MCM6: variants seen among roughly 807,000 people sequenced by gnomAD.
MCM6 encodes DNA replication licensing factor MCM6.
Under a neutral mutation model 94.3 loss-of-function variants are expected in MCM6, and 46 were observed. The ratio of observed to expected loss-of-function variants is 0.49; its 90% CI spans 0.39 to 0.62. MCM6 has a LOEUF of 0.62. Among genes scored for constraint, MCM6 ranks in the 20% least tolerant of loss-of-function variants. The pLI is 0.00. For missense variants in MCM6, 865 were observed against 1,017.9 expected (o/e 0.85, Z 2.04); for synonymous variants, 335 against 351.9 (o/e 0.95, Z 0.54).
At chr2:135,866,016 C>T in intron 6 of MCM6, 116 bp downstream of exon 6, 1 of 1,150,482 alleles carries the variant, frequency 8.7e-7, no homozygotes, top group Non-Finnish European at 1.2e-6. Flanking sequence ...ATGGTAGGAT[C>T]ACTTGAGCCC....
chr2:135,862,091 A>T (rs993393784), intron 8 of MCM6, among the ~76,000 whole-genome samples: 2 of 152,148 alleles, frequency 1.3e-5, no homozygotes, highest in Non-Finnish European at 2.9e-5. Flanking sequence ...CAGGGCTAAG[A>T]AAATGATTTT....
At chr2:135,874,884 G>A (rs2105595081) in intron 1 of MCM6, among the ~76,000 whole-genome samples, 1 of 152,266 alleles carries the variant, frequency 6.6e-6, no homozygotes, top group East Asian at 1.9e-4. Context: ...CCTCGCAGAG[G>A]AACCTTGTAG....
chr2:135,851,914 T>G (rs534438937), intron 12 of MCM6: 1 of 160,494 alleles, frequency 6.2e-6, no homozygotes. Flanking sequence ...GCTCAGTATT[T>G]GAGGCTCAAT....
intron 8 of MCM6, 92 bp from the exon 9 acceptor site, chr2:135,859,534 G>A (rs1268148609): frequency 3.8e-6 from 3 of 794,830 alleles, no homozygotes; most frequent in Non-Finnish European, 5.8e-6. Flanking sequence ...ATTACTGAAA[G>A]AACATTTGAG....
chr2:135,849,904 G>A (rs1679742448), intron 13 of MCM6, among the ~76,000 whole-genome samples: 1 of 151,970 alleles, frequency 6.6e-6, no homozygotes, highest in Non-Finnish European at 1.5e-5. Flanking sequence ...GACAGAAATA[G>A]CTCTTAAATA....
At chr2:135,873,932 C>T (rs1193942982) in intron 1 of MCM6, among the ~76,000 whole-genome samples, 1 of 152,208 alleles carries the variant, frequency 6.6e-6, no homozygotes, top group African/African-American at 2.4e-5. Flanking sequence ...GGTGAAGTGA[C>T]TGACTAGATG....
At position 135,857,217 on chromosome 2, in the gene MCM6, T is replaced by C. The variant is rs576410645; in HGVS notation, c.1471-334A>G. Among the ~76,000 whole-genome samples, 6 of 152,292 alleles carry C rather than the reference T, an allele frequency of 3.9e-5. No homozygotes were observed. In the East Asian group the frequency reaches 1.2e-3, roughly 29 times the overall value. Reference sequence around the variant, plus strand: ...AAGAATCAAGCTGTGGTATACACAATTGAATATGGGAAATTAATAAAAAAC... The same window carrying C: ...AAGAATCAAGCTGTGGTATACACAACTGAATATGGGAAATTAATAAAAAAC... On this transcript the variant is annotated intron_variant, in intron 10 of 16. Coordinates refer to ENST00000264156, the MANE Select transcript of MCM6 (RefSeq NM_005915.6).
In MCM6 at chr2:135,843,987, G is replaced by A. The variant is rs4988272; in HGVS notation, c.2349+558C>T. Among the ~76,000 whole-genome samples the A allele has an allele frequency of 8.5e-3, 1,292 of 152,162 alleles. 91 individuals are homozygous for A. The East Asian group carries it at 0.18, about 21-fold the overall frequency. On this transcript the variant is annotated intron_variant, in intron 16 of 16. Coordinates refer to ENST00000264156, the MANE Select transcript of MCM6 (RefSeq NM_005915.6). The stretch of plus-strand genomic sequence containing the variant: ...TGACCCGGGAAAAGGAATTGCACTG[G>A]GCAGTGCTGTCATGAGGTTGATGAG...
At chr2:135,846,100 T>G in intron 15 of MCM6, 137 bp downstream of exon 15, 1 of 794,176 alleles carries the variant, frequency 1.3e-6, no homozygotes, top group African/African-American at 1.7e-5. Context: ...ACAAATTTAC[T>G]TTGCTAAAGT....
chr2:135,853,787 A>G (rs1679819131), intron 11 of MCM6, among the ~76,000 whole-genome samples: 1 of 152,218 alleles, frequency 6.6e-6, no homozygotes, highest in Admixed American at 6.5e-5. Flanking sequence ...GTTCAGGAAA[A>G]AAGTGTGCAG....
chr2:135,858,119 G>A (rs772545820), intron 9 of MCM6, 115 bp from the exon 10 acceptor site: 14 of 867,066 alleles, frequency 1.6e-5, no homozygotes, highest in Admixed American at 5.4e-5. Context: ...CACTAAGGCC[G>A]GGCATTTGAG....
chr2:135,870,574 T>C (rs1020706316), intron 2 of MCM6, among the ~76,000 whole-genome samples: 3 of 152,224 alleles, frequency 2.0e-5, no homozygotes, highest in African/African-American at 7.2e-5. Context: ...TAAAATGTCA[T>C]ACCATACCTG....
chr2:135,847,953 A>G, intron 14 of MCM6, 100 bp downstream of exon 14: 1 of 823,906 alleles, frequency 1.2e-6, no homozygotes, highest in Non-Finnish European at 2.0e-6. Context: ...TTTTGCTACC[A>G]TAGACTATTA....
intron 6 of MCM6, 122 bp downstream of exon 6, chr2:135,866,010 T>G: frequency 9.0e-7 from 1 of 1,110,770 alleles, no homozygotes; most frequent in Non-Finnish European, 1.3e-6. Context: ...GTTGAGATGG[T>G]AGGATCACTT....
chr2:135,848,220 C>CT lies in MCM6; in HGVS notation c.1918-33dup, dbSNP rs770680308. The CT allele has an allele frequency of 1.6e-5, 25 of 1,551,318 alleles. No homozygotes were observed. In the African/African-American group the frequency reaches 2.6e-4, roughly 16 times the overall value. On this transcript the variant is annotated intron_variant, in intron 13 of 16. Coordinates refer to ENST00000264156, the MANE Select transcript of MCM6 (RefSeq NM_005915.6). ...CAATAATGATGAAGTAATTAAGCTACTTTTTTTGATATACCAAACAGATTT... is the reference window on the plus strand; with the variant it reads ...CAATAATGATGAAGTAATTAAGCTACTTTTTTTTGATATACCAAACAGATTT...
chr2:135,840,636 A>G lies in MCM6; in HGVS notation c.*199T>C. On this transcript the variant is annotated 3_prime_UTR_variant, in exon 17 of 17. Coordinates refer to ENST00000264156, the MANE Select transcript of MCM6 (RefSeq NM_005915.6). ...CTGGGACAGGAAACACACCAAAGGA[A>G]GTGCTGAAGCCTGTGTTGGTATGAA... The G allele has an allele frequency of 9.3e-6, 5 of 537,514 alleles. No homozygotes were observed. The highest frequency in any genetic ancestry group is 1.3e-5 in the Non-Finnish European group (4 of 299,766). The allele number at this position is 537,514 out of a possible 1,614,324, so 33.3% of individuals were successfully genotyped here. A position where few individuals can be genotyped will look rare whatever the true frequency, so the allele number is the denominator to read the frequency against.
chr2:135,872,635 G>C lies in MCM6; in HGVS notation c.254+62C>G, dbSNP rs930551055. 12 of 1,542,714 alleles carry C rather than the reference G, an allele frequency of 7.8e-6. 1 individual carries two copies. In the Middle Eastern group the frequency reaches 6.8e-4, roughly 88 times the overall value. Reference sequence around the variant, plus strand: ...ACACAAGTGAACACTTACAGTCCAAGAAGAGCTGGCTTCCCGGATTTCAAC... The same window carrying C: ...ACACAAGTGAACACTTACAGTCCAACAAGAGCTGGCTTCCCGGATTTCAAC... On this transcript the variant is annotated intron_variant, in intron 2 of 16. Transcript: ENST00000264156.
chr2:135,846,594 T>C (rs983443536), intron 14 of MCM6, among the ~76,000 whole-genome samples: 12 of 152,274 alleles, frequency 7.9e-5, no homozygotes, highest in Admixed American at 2.0e-4. Context: ...CCTCCTGTCT[T>C]GGTCTCCCAA....
chr2:135,852,811 G>A lies in MCM6; in HGVS notation c.1731C>T (p.Leu577=). 1 of 1,603,202 alleles carries A rather than the reference G, an allele frequency of 6.2e-7. No homozygotes were observed. Among genetic ancestry groups the A allele is most frequent in the South Asian group, 1.1e-5 (1 of 89,250 alleles). ...CCTTGGGTTTAAACTGTCTTGCAAA[G>A]AGAAGATATCTTCTGATATCATCGA... ...YSLDDIRRYL[L]FARQFKPKIS... is the part of the protein sequence containing the mutation. The change falls in exon 12 of 17, where the codon CTC becomes CTT. Residue 577 remains leucine (L), a synonymous_variant. Coordinates refer to ENST00000264156, the MANE Select transcript of MCM6 (RefSeq NM_005915.6).
Sources: gnomAD v4.1 joint callset for allele counts (sites outside exome capture counted in the v4.1 genomes callset) on GRCh38, gnomAD v4.1.1 for gene constraint, MANE v1.5 for transcripts, NCBI Gene and HGNC (gene_info 2026-07-23, HGNC 2026-07-21) for gene names.